Variants in CSMD1 observed in about 807,000 individuals in gnomAD.
CSMD1 encodes CUB and Sushi multiple domains 1.
CSMD1 carries 213 observed loss-of-function variants against 417.5 expected under a neutral mutation model. The ratio of observed to expected loss-of-function variants is 0.51; its 90% CI spans 0.46 to 0.57. The LOEUF (loss-of-function observed/expected upper bound fraction) is 0.57, where lower values mean the gene tolerates loss of function less well. Among genes scored for constraint, CSMD1 ranks in the 20% least tolerant of loss-of-function variants. CSMD1 has a pLI of 0.00. For synonymous variants in CSMD1, 2,862 were observed against 1,736.8 expected (o/e 1.65, Z -16.11); for missense variants, 6,923 against 4,529.7 (o/e 1.53, Z -15.17).
chr8:3,345,420 G>A (rs1026928670), intron 22 of CSMD1, among the ~76,000 whole-genome samples: 2 of 151,974 alleles, frequency 1.3e-5, no homozygotes, highest in African/African-American at 4.8e-5. Context: ...GTATGTCGTT[G>A]ATGAACATGG....
At chr8:3,821,339 T>C (rs1433134184) in intron 5 of CSMD1, among the ~76,000 whole-genome samples, 1 of 152,162 alleles carries the variant, frequency 6.6e-6, no homozygotes, top group Non-Finnish European at 1.5e-5. Context: ...TGTACATAAG[T>C]AGATGCATGA....
chr8:3,943,827 G>C (rs147408321), intron 5 of CSMD1, among the ~76,000 whole-genome samples: 8 of 152,072 alleles, frequency 5.3e-5, no homozygotes, highest in Non-Finnish European at 1.2e-4. Context: ...AAAGTGTAAA[G>C]GATATGGAAG....
chr8:3,710,137 G>T (rs943546567), intron 6 of CSMD1, among the ~76,000 whole-genome samples: 9 of 151,320 alleles, frequency 5.9e-5, no homozygotes, highest in Non-Finnish European at 1.2e-4. Context: ...TTTTTTTCCT[G>T]ATATTTTTAG....
chr8:4,427,596 G>A (rs555191063), intron 2 of CSMD1, among the ~76,000 whole-genome samples: 9 of 151,954 alleles, frequency 5.9e-5, no homozygotes, highest in Non-Finnish European at 7.4e-5. Context: ...TTTGGAGAGA[G>A]ACTCGAAGTA....
intron 6 of CSMD1, among the ~76,000 whole-genome samples, chr8:3,750,932 G>T (rs960276412): frequency 6.6e-6 from 1 of 152,100 alleles, no homozygotes; most frequent in Non-Finnish European, 1.5e-5. Context: ...TGCGTACTGT[G>T]CACCATGCGC....
chr8:3,872,333 TC>T (rs553469964), intron 5 of CSMD1, among the ~76,000 whole-genome samples: 36 of 152,238 alleles, frequency 2.4e-4, no homozygotes, highest in African/African-American at 8.4e-4. Flanking sequence ...CTCCCAGCTT[TC>T]CCCCGGCAAA....
chr8:4,713,900 G>C (rs755633546), intron 1 of CSMD1, among the ~76,000 whole-genome samples: 5 of 152,138 alleles, frequency 3.3e-5, no homozygotes, highest in African/African-American at 9.7e-5. Context: ...ATTTGGGCTT[G>C]TGGGGAGGCC....
At chr8:3,119,188 A>G (rs977400716) in intron 41 of CSMD1, among the ~76,000 whole-genome samples, 1 of 151,840 alleles carries the variant, frequency 6.6e-6, no homozygotes, top group African/African-American at 2.4e-5. Context: ...CCCCGCCCCA[A>G]AAAAAAGGAA....
chr8:4,858,037 G>C (rs921877963), intron 1 of CSMD1, among the ~76,000 whole-genome samples: 2 of 152,080 alleles, frequency 1.3e-5, no homozygotes, highest in African/African-American at 4.8e-5. Flanking sequence ...CAAAACGAAT[G>C]CAGCAGCACA....
In CSMD1 at chr8:3,571,760, G is replaced by A. The variant is rs564462202; in HGVS notation, c.1344+3185C>T. 3.5e-3 allele frequency among the ~76,000 whole-genome samples: 535 copies of A among 152,254 alleles called. 5 individuals carry two copies. The highest frequency in any genetic ancestry group is 0.012 in the African/African-American group (495 of 41,536). On this transcript the variant is annotated intron_variant, in intron 10 of 69. Transcript: ENST00000635120. ...CTCCAGTCTTGCTAAGTCTCCGTCT[G>A]GGGCAATTTCCCCTGCACCACTCCA...
At chr8:3,391,045 A>G (rs75128334) in intron 17 of CSMD1, among the ~76,000 whole-genome samples, 6,895 of 152,246 alleles carry the variant, frequency 0.045, 412 homozygotes, top group South Asian at 0.17. Context: ...GTATGCATCC[A>G]TGCGTGTGCC....
chr8:3,624,007 C>G (rs1156823909), intron 7 of CSMD1, among the ~76,000 whole-genome samples: 1 of 151,934 alleles, frequency 6.6e-6, no homozygotes, highest in East Asian at 1.9e-4. Context: ...AAAAACCTTT[C>G]TGTACTCTGG....
At chr8:3,226,721 G>C (rs998861971) in intron 27 of CSMD1, among the ~76,000 whole-genome samples, 2 of 151,988 alleles carry the variant, frequency 1.3e-5, no homozygotes, top group East Asian at 1.9e-4. Flanking sequence ...AAAAAAGTGA[G>C]GTATCCAAGC....
chr8:4,092,924 C>T (rs1004099217), intron 3 of CSMD1, among the ~76,000 whole-genome samples: 5 of 152,072 alleles, frequency 3.3e-5, no homozygotes, highest in Admixed American at 6.5e-5. Context: ...ATATTTATTT[C>T]TCTGAATCCT....
intron 12 of CSMD1, among the ~76,000 whole-genome samples, chr8:3,433,368 C>G (rs1322597250): frequency 1.3e-5 from 2 of 152,270 alleles, no homozygotes; most frequent in African/African-American, 4.8e-5. Context: ...ATGAGAATCC[C>G]TTCTGCCTTT....
At chr8:4,443,685 C>G (rs549157107) in intron 2 of CSMD1, among the ~76,000 whole-genome samples, 1 of 152,184 alleles carries the variant, frequency 6.6e-6, no homozygotes, top group African/African-American at 2.4e-5. Flanking sequence ...CCATTCAATC[C>G]TGCAATTCCC....
intron 6 of CSMD1, among the ~76,000 whole-genome samples, chr8:3,729,916 T>A (rs535486699): frequency 1.1e-5 from 1 of 89,500 alleles, no homozygotes; most frequent in South Asian, 3.8e-4. Context: ...ATTTGCCAAT[T>A]CAAAGTAAAA....
chr8:3,771,269 T>G (rs1798559097), intron 5 of CSMD1, among the ~76,000 whole-genome samples: 1 of 152,182 alleles, frequency 6.6e-6, no homozygotes, highest in South Asian at 2.1e-4. Flanking sequence ...GCTTTGAGGT[T>G]AGGTCCAGAG....
intron 26 of CSMD1, among the ~76,000 whole-genome samples, chr8:3,272,725 C>T (rs1463171333): frequency 6.9e-6 from 1 of 145,776 alleles, no homozygotes; most frequent in Admixed American, 7.0e-5. Flanking sequence ...TGATTTGGCT[C>T]TCTGTTTGTC....
Sources: allele counts gnomAD v4.1 joint callset (sites outside exome capture counted in the v4.1 genomes callset), GRCh38; gene constraint gnomAD v4.1.1; transcripts MANE v1.5; gene names NCBI Gene and HGNC (gene_info 2026-07-23, HGNC 2026-07-21).